Variants in RPN1 observed in about 807,000 individuals in gnomAD.
The protein encoded by RPN1 is dolichyl-diphosphooligosaccharide--protein glycosyltransferase subunit 1.
A neutral mutation model predicts 55.5 loss-of-function variants in RPN1; 12 were observed. That is an observed-to-expected ratio of 0.22 (90% CI 0.14 to 0.35). The LOEUF (loss-of-function observed/expected upper bound fraction) is 0.35. Ranked by LOEUF, RPN1 falls within the 10% of genes least tolerant of loss-of-function variation. The pLI is 1.00. For missense variants in RPN1, 679 were observed against 761.3 expected (o/e 0.89, Z 1.27); for synonymous variants, 317 against 305.9 (o/e 1.04, Z -0.38).
At chr3:128,635,616 T>TAG (rs1559755764) in intron 3 of RPN1, among the ~76,000 whole-genome samples, 28 of 5,860 alleles carry the variant, frequency 4.8e-3, no homozygotes, top group African/African-American at 9.6e-3. Context: ...ACTTGAGATA[T>TAG]ATATATATAT....
At chr3:128,632,830 G>A (rs1282903241) in intron 3 of RPN1, among the ~76,000 whole-genome samples, 1 of 152,128 alleles carries the variant, frequency 6.6e-6, no homozygotes, top group Non-Finnish European at 1.5e-5. Flanking sequence ...CCTGACCTCA[G>A]GTGATCTGCC....
intron 5 of RPN1, among the ~76,000 whole-genome samples, chr3:128,628,391 A>G (rs578002267): frequency 6.6e-6 from 1 of 152,424 alleles, no homozygotes; most frequent in Admixed American, 6.5e-5. Flanking sequence ...ATTAAGATGG[A>G]TTAGAGTGAA....
intron 5 of RPN1, 49 bp from the exon 6 acceptor site, chr3:128,626,881 G>C (rs1576792673): frequency 6.5e-7 from 1 of 1,539,882 alleles, no homozygotes; most frequent in Admixed American, 1.7e-5. Context: ...CGGATCAAAT[G>C]GGCAGGAGAG....
intron 2 of RPN1, chr3:128,642,256 A>G (rs532673737): frequency 3.3e-5 from 5 of 152,354 alleles, no homozygotes; most frequent in Middle Eastern, 6.8e-3. Flanking sequence ...CTCAGTGGAA[A>G]ATCAAGATAA....
rs2069691543 is a variant in RPN1 at position 128,637,806 on chromosome 3, T to C, written c.626A>G (p.Tyr209Cys). 1 of 1,611,462 alleles carries C rather than the reference T, an allele frequency of 6.2e-7. No homozygotes were observed. The highest frequency in any genetic ancestry group is 8.5e-7 in the Non-Finnish European group (1 of 1,179,184). The change falls in exon 3 of 10, where the codon TAT becomes TGT. Residue 209 changes from tyrosine (Y) to cysteine (C), a missense_variant. This residue lies in a region of RPN1 where 352 missense variants were observed against 352.8 expected (regional missense o/e 1.00). Transcript: ENST00000296255. Reference protein sequence around the residue: ...DYGPFRDVPAYSQDTFKVHYE... With the variant: ...DYGPFRDVPACSQDTFKVHYE... ...GACTCCACCTGAGCTTACCTGACTA[T>C]AGGCAGGCACATCTCTGAAAGGCCC...
intron 1 of RPN1, among the ~76,000 whole-genome samples, chr3:128,648,161 A>G (rs901677619): frequency 6.6e-6 from 1 of 152,142 alleles, no homozygotes; most frequent in African/African-American, 2.4e-5. Flanking sequence ...TGGGAGGCCG[A>G]GGTGGGCGGA....
intron 2 of RPN1, among the ~76,000 whole-genome samples, chr3:128,641,349 C>T (rs892027067): frequency 6.6e-6 from 1 of 151,976 alleles, no homozygotes; most frequent in African/African-American, 2.4e-5. Flanking sequence ...GGATAAAGCC[C>T]ACGCCTTTAA....
Position 128,620,180 on chromosome 3 carries a change from T to C in RPN1, c.*231A>G. 2.7e-6 allele frequency: 1 copy of C among 364,900 alleles called. No homozygotes were observed. The highest frequency in any genetic ancestry group is 4.9e-6 in the Non-Finnish European group (1 of 205,008). 22.6% of individuals were successfully genotyped at this position (364,900 alleles called of 1,614,324 possible). On this transcript the variant is annotated 3_prime_UTR_variant, in exon 10 of 10. Transcript: ENST00000296255. ...GTTCAAAACACAAAGATGTTTTGTT[T>C]TTAATGGGAGTTTTTTTAAAGTTTT...
At position 128,631,038 on chromosome 3, in the gene RPN1, G is replaced by A. The variant is rs150453731; in HGVS notation, c.844-895C>T. Among the ~76,000 whole-genome samples, 45 of 151,648 alleles carry A rather than the reference G, an allele frequency of 3.0e-4. No individual in the cohort carries two copies. In the East Asian group the frequency reaches 3.7e-3, roughly 12 times the overall value. On this transcript the variant is annotated intron_variant, in intron 4 of 9. Transcript: ENST00000296255. ...TGAGGCAGGAGAATAGCATGAACCC[G>A]GGAGGCAGAGCTTGCCGTGAGCCGA...
Position 128,626,759 on chromosome 3 carries a change from C to T in RPN1, c.1110G>A (p.Val370=), listed in dbSNP as rs1227925735. 79 of 1,614,044 alleles carry T rather than the reference C, an allele frequency of 4.9e-5. No individual in the cohort carries two copies. Among genetic ancestry groups the T allele is most frequent in the Non-Finnish European group, 6.5e-5 (77 of 1,180,052 alleles). Reference sequence around the variant, plus strand: ...TGGCTCCTTCAGGCAGGATGATCTTCACAGTCAGAGAATCTATCACTTGTT... The same window carrying T: ...TGGCTCCTTCAGGCAGGATGATCTTTACAGTCAGAGAATCTATCACTTGTT... ...FDEQVIDSLT[V]KIILPEGAKN... Residue 370 remains valine, a synonymous_variant, in exon 6 of 10, where the codon GTG becomes GTA. Transcript: ENST00000296255.
At chr3:128,650,353 G>A (rs995104547) in intron 1 of RPN1, among the ~76,000 whole-genome samples, 187 bp downstream of exon 1, 1 of 152,150 alleles carries the variant, frequency 6.6e-6, no homozygotes, top group Non-Finnish European at 1.5e-5. Flanking sequence ...CGGAGGCGCC[G>A]GGGCCCCTGG....
At chr3:128,633,978 C>G (rs2069659665) in intron 3 of RPN1, among the ~76,000 whole-genome samples, 1 of 150,984 alleles carries the variant, frequency 6.6e-6, no homozygotes, top group Non-Finnish European at 1.5e-5. Context: ...GCGAGACTGT[C>G]TCTCAAAAAA....
chr3:128,642,599 G>C (rs2069734299), intron 2 of RPN1: 2 of 152,190 alleles, frequency 1.3e-5, no homozygotes, highest in Non-Finnish European at 2.9e-5. Context: ...GGGAGGCTGA[G>C]ACAGTAGAAT....
chr3:128,624,133 T>C (rs1046151144), intron 8 of RPN1, among the ~76,000 whole-genome samples: 3 of 151,998 alleles, frequency 2.0e-5, no homozygotes, highest in African/African-American at 7.3e-5. Context: ...CCTCCACATA[T>C]TTGGTTTCAG....
At chr3:128,644,656 G>GAA (rs748275713) in intron 2 of RPN1, 331 of 504,584 alleles carry the variant, frequency 6.6e-4, no homozygotes, top group Admixed American at 1.0e-3. Context: ...CCTGTCTCAA[G>GAA]AAAAAAAAAA....
chr3:128,648,560 CA>C (rs538184863), intron 1 of RPN1, among the ~76,000 whole-genome samples: 43 of 140,124 alleles, frequency 3.1e-4, no homozygotes, highest in African/African-American at 2.6e-4. Flanking sequence ...AACTCCGTCT[CA>C]AAAAAAAAAA....
At chr3:128,650,486 G>A (rs1576801765) in intron 1 of RPN1, 54 bp downstream of exon 1, 2 of 1,479,606 alleles carry the variant, frequency 1.4e-6, no homozygotes, top group Non-Finnish European at 9.0e-7. Context: ...GGACCGCCAG[G>A]AAGGGAGGCG....
chr3:128,629,634 G>C (rs2712382), intron 5 of RPN1, among the ~76,000 whole-genome samples: 1,942 of 152,214 alleles, frequency 0.013, 36 homozygotes, highest in African/African-American at 0.043. Flanking sequence ...TCATATAAAA[G>C]TGTTTTTTAT....
intron 1 of RPN1, among the ~76,000 whole-genome samples, chr3:128,649,015 A>T (rs1038271656): frequency 6.6e-6 from 1 of 152,192 alleles, no homozygotes. Context: ...GAATATATTT[A>T]AAATACCCAC....
Sources: gnomAD v4.1 joint callset for allele counts (sites outside exome capture counted in the v4.1 genomes callset) on GRCh38, gnomAD v4.1.1 for gene constraint, gnomAD v4.1.1 regional missense constraint, MANE v1.5 for transcripts, NCBI Gene and HGNC (gene_info 2026-07-23, HGNC 2026-07-21) for gene names.